The following CYP7B1 variants were observed in gnomAD, a reference collection of about 807,000 sequenced individuals.
CYP7B1 encodes cytochrome P450 7B1.
CYP7B1 carries 29 observed loss-of-function variants against 42.7 expected under a neutral mutation model. The observed-to-expected ratio is 0.68, with a 90% CI of 0.51 to 0.93. The LOEUF (loss-of-function observed/expected upper bound fraction) is 0.93, where lower values mean the gene tolerates loss of function less well. Ranked by LOEUF, CYP7B1 falls within the 40% of genes least tolerant of loss-of-function variation. The probability of loss-of-function intolerance (pLI) is 0.00; values close to 1 mark genes in which losing one functional copy is unlikely to be tolerated. For synonymous variants in CYP7B1, 235 were observed against 218.2 expected (o/e 1.08, Z -0.68); for missense variants, 655 against 600.5 (o/e 1.09, Z -0.95).
intron 1 of CYP7B1, among the ~76,000 whole-genome samples, chr8:64,641,844 T>TA (rs961802141): frequency 7.9e-5 from 12 of 151,182 alleles, no homozygotes; most frequent in African/African-American, 1.7e-4. Flanking sequence ...CTGCCACAAG[T>TA]AAAAAAAAAC....
chr8:64,678,150 G>A (rs1364271315), intron 1 of CYP7B1, among the ~76,000 whole-genome samples: 2 of 152,072 alleles, frequency 1.3e-5, no homozygotes, highest in African/African-American at 4.8e-5. Context: ...ATCACTCTCA[G>A]TATAGGGACT....
At chr8:64,726,142 A>G (rs187185356) in intron 1 of CYP7B1, among the ~76,000 whole-genome samples, 108 of 152,342 alleles carry the variant, frequency 7.1e-4, no homozygotes, top group African/African-American at 2.4e-3. Context: ...ACAAACATGT[A>G]GGATAAGAAA....
intron 1 of CYP7B1, among the ~76,000 whole-genome samples, chr8:64,706,796 T>G (rs1807006126): frequency 6.6e-6 from 1 of 152,034 alleles, no homozygotes; most frequent in African/African-American, 2.4e-5. Context: ...CCTCTTTGAA[T>G]TTCATCTCCA....
At chr8:64,791,644 A>T (rs1488507982) in intron 1 of CYP7B1, among the ~76,000 whole-genome samples, 1 of 152,240 alleles carries the variant, frequency 6.6e-6, no homozygotes. Context: ...ATGCTTTGAC[A>T]TTAGCCCAGG....
At chr8:64,714,269 G>GT (rs1807122297) in intron 1 of CYP7B1, among the ~76,000 whole-genome samples, 1 of 152,172 alleles carries the variant, frequency 6.6e-6, no homozygotes, top group Non-Finnish European at 1.5e-5. Flanking sequence ...ATTCAGTGTG[G>GT]TTTTTATAAA....
chr8:64,596,806 A>C lies in CYP7B1; in HGVS notation c.1357T>G (p.Phe453Val). 6.2e-7 allele frequency: 1 copy of C among 1,614,148 alleles called. No homozygotes were observed. The highest frequency in any genetic ancestry group is 2.2e-5 in the East Asian group (1 of 44,864). Residue 453 changes from phenylalanine to valine, a missense_variant, in exon 6 of 6, where the codon TTT becomes GTT. Physicochemically the swap from Phe to Val is conservative, Grantham distance 50. Transcript: ENST00000310193. ...GTGTSKCPGRFFALMEIKQLL... is the reference protein window; with the variant it reads ...GTGTSKCPGRVFALMEIKQLL... Reference sequence around the variant, plus strand: ...TGTTTTATTTCCATAAGTGCAAAAAATCGGCCTGGACATTTGCTGGTTCCA... The same window carrying C: ...TGTTTTATTTCCATAAGTGCAAAAACTCGGCCTGGACATTTGCTGGTTCCA...
chr8:64,604,609 A>C, intron 5 of CYP7B1, 73 bp downstream of exon 5: 1,194 of 1,544,840 alleles, frequency 7.7e-4, no homozygotes, highest in Non-Finnish European at 9.8e-4. Context: ...GGCAAGAGGA[A>C]GAGATAGGGA....
At chr8:64,709,428 G>A (rs533564596) in intron 1 of CYP7B1, among the ~76,000 whole-genome samples, 1 of 152,262 alleles carries the variant, frequency 6.6e-6, no homozygotes, top group East Asian at 1.9e-4. Flanking sequence ...GGATATTTGT[G>A]TATTTGTGTG....
rs919927814 is a variant in CYP7B1 at position 64,594,188 on chromosome 8, A to T, written c.*2454T>A. ...GATGGTTAGGCACAGTAGTGTGAGGATAGGTGATGGAAAAGCTTTTAAGTT... is the reference window on the plus strand; with the variant it reads ...GATGGTTAGGCACAGTAGTGTGAGGTTAGGTGATGGAAAAGCTTTTAAGTT... On this transcript the variant is annotated 3_prime_UTR_variant, in exon 6 of 6. Coordinates refer to ENST00000310193, the MANE Select transcript of CYP7B1 (RefSeq NM_004820.5). Among the ~76,000 whole-genome samples the T allele has an allele frequency of 9.2e-5, 14 of 152,152 alleles. No individual in the cohort carries two copies. The highest frequency in any genetic ancestry group is 3.1e-4 in the African/African-American group (13 of 41,436).
intron 4 of CYP7B1, among the ~76,000 whole-genome samples, chr8:64,605,724 A>G (rs1309035041): frequency 6.6e-6 from 1 of 152,168 alleles, no homozygotes; most frequent in Non-Finnish European, 1.5e-5. Context: ...ACCAGCGTGA[A>G]TGGGTCCTAG....
At chr8:64,698,678 G>A (rs1373076012) in intron 1 of CYP7B1, among the ~76,000 whole-genome samples, 1 of 152,238 alleles carries the variant, frequency 6.6e-6, no homozygotes, top group Non-Finnish European at 1.5e-5. Flanking sequence ...TGGCACATCT[G>A]AAACCTGAAT....
At chr8:64,778,383 G>A (rs1158050406) in intron 1 of CYP7B1, among the ~76,000 whole-genome samples, 1 of 151,818 alleles carries the variant, frequency 6.6e-6, no homozygotes, top group Non-Finnish European at 1.5e-5. Context: ...TGTGAAAAAG[G>A]TCATTCAAAA....
intron 1 of CYP7B1, among the ~76,000 whole-genome samples, chr8:64,708,310 T>C (rs1807029322): frequency 6.6e-6 from 1 of 152,180 alleles, no homozygotes; most frequent in Non-Finnish European, 1.5e-5. Flanking sequence ...CTCTACTCTG[T>C]CCTCACTGAG....
intron 1 of CYP7B1, among the ~76,000 whole-genome samples, chr8:64,686,277 T>G (rs1320437952): frequency 3.3e-5 from 1 of 30,526 alleles, no homozygotes; most frequent in African/African-American, 1.2e-4. Context: ...GGGAGGGAGG[T>G]GGGGGGGTCG....
At chr8:64,696,073 C>G (rs1214269724) in intron 1 of CYP7B1, among the ~76,000 whole-genome samples, 1 of 152,052 alleles carries the variant, frequency 6.6e-6, no homozygotes, top group Non-Finnish European at 1.5e-5. Flanking sequence ...ACAAAGAAGA[C>G]CCAACAACAG....
At chr8:64,769,568 A>G (rs971659910) in intron 1 of CYP7B1, among the ~76,000 whole-genome samples, 8 of 152,302 alleles carry the variant, frequency 5.3e-5, no homozygotes, top group African/African-American at 1.9e-4. Context: ...TCCATGCCCA[A>G]TTAAATTTTA....
intron 1 of CYP7B1, among the ~76,000 whole-genome samples, chr8:64,638,733 G>A (rs1007969694): frequency 3.3e-5 from 5 of 152,004 alleles, no homozygotes; most frequent in East Asian, 3.9e-4. Context: ...TCCAACACTC[G>A]CGTAAGTGAT....
rs142000295 is a variant in CYP7B1, at chr8:64,752,148, C to T, written c.122+46318G>A. Among the ~76,000 whole-genome samples the T allele has an allele frequency of 7.5e-3, 1,131 of 151,698 alleles. 13 individuals carry two copies. Among genetic ancestry groups the T allele is most frequent in the Middle Eastern group, 0.017 (5 of 294 alleles). ...CACTCATTGCCAGCAGATGCCACTACCTGATCCATGATGTATGTACTCCAG... is the reference window on the plus strand; with the variant it reads ...CACTCATTGCCAGCAGATGCCACTATCTGATCCATGATGTATGTACTCCAG... On this transcript the variant is annotated intron_variant, in intron 1 of 5. Transcript: ENST00000310193.
In CYP7B1 at chr8:64,624,402, C is replaced by G; in HGVS notation, c.259+1G>C. 1 of 1,613,126 alleles carries G rather than the reference C, an allele frequency of 6.2e-7. No individual in the cohort carries two copies. Among genetic ancestry groups the G allele is most frequent in the African/African-American group, 1.3e-5 (1 of 74,892 alleles). On this transcript the variant is annotated splice_donor_variant, in intron 2 of 5. Coordinates refer to ENST00000310193, the MANE Select transcript of CYP7B1 (RefSeq NM_004820.5). LOFTEE classifies it high-confidence loss of function. ...AAGGTATTAATAGAAGTGCTTCTTA[C>G]CACCAAGAAGAACTGTGAAAGTGTC...
Sources: gnomAD v4.1 joint callset for allele counts (sites outside exome capture counted in the v4.1 genomes callset) on GRCh38, gnomAD v4.1.1 for gene constraint, MANE v1.5 for transcripts, NCBI Gene and HGNC (gene_info 2026-07-23, HGNC 2026-07-21) for gene names.